SNX29: variants seen among roughly 807,000 people sequenced by gnomAD.
SNX29 encodes sorting nexin 29.
SNX29 carries 78 observed loss-of-function variants against 102.1 expected under a neutral mutation model. That is an observed-to-expected ratio of 0.76 (90% CI 0.64 to 0.92). The LOEUF is 0.92. Ranked by LOEUF, SNX29 falls within the 40% of genes least tolerant of loss-of-function variation. The pLI is 0.00. For synonymous variants in SNX29, 580 were observed against 414.5 expected, an observed-to-expected ratio of 1.40 and a Z score of -4.85; for missense variants, 1,280 against 1,061.7, an observed-to-expected ratio of 1.21 and a Z score of -2.86.
At chr16:12,505,125 A>T (rs925675231) in intron 19 of SNX29, among the ~76,000 whole-genome samples, 1 of 152,204 alleles carries the variant, frequency 6.6e-6, no homozygotes, top group African/African-American at 2.4e-5. Context: ...TAGAGGAAAA[A>T]ACAAAAAGAG....
rs1364925516 is a variant in SNX29 at position 12,524,885 on chromosome 16, A to AT, written c.2318+51dup. The AT allele has an allele frequency of 5.0e-6, 8 of 1,592,594 alleles. No homozygotes were observed. The East Asian group carries it at 9.1e-5, about 18-fold the overall frequency. ...GACATGGGCCGCCAGCCCTGCCAGC[A>AT]TTTTTTTCTCGGTCGTTTTGGAAGG... On this transcript the variant is annotated intron_variant, in intron 20 of 20. Transcript: ENST00000566228.
rs2055309726 is a variant in SNX29 at position 11,976,814 on chromosome 16, G to C, written c.7+1G>C. 7.2e-7 allele frequency: 1 copy of C among 1,381,216 alleles called. No individual in the cohort carries two copies. The highest frequency in any genetic ancestry group is 3.0e-5 in the Admixed American group (1 of 33,492). 85.6% of individuals were successfully genotyped at this position (1,381,216 alleles called of 1,614,324 possible). On this transcript the variant is annotated splice_donor_variant, in intron 1 of 20. Transcript: ENST00000566228. LOFTEE classifies it high-confidence loss of function. ...GGCCCGGGGAGAGGCACCATGAGCG[G>C]TGAGTGGCGGCCCCGCCGCTGTCAC...
intron 19 of SNX29, among the ~76,000 whole-genome samples, chr16:12,504,166 T>C (rs896973193): frequency 1.3e-5 from 2 of 152,128 alleles, no homozygotes; most frequent in Non-Finnish European, 2.9e-5. Flanking sequence ...ATGTAGTCTT[T>C]TGTGAGTGGC....
chr16:12,170,864 G>A (rs571182908), intron 13 of SNX29, among the ~76,000 whole-genome samples: 58 of 151,908 alleles, frequency 3.8e-4, no homozygotes, highest in South Asian at 1.7e-3. Flanking sequence ...GTCTGTGCGC[G>A]CGCGCGTGCT....
chr16:12,553,531 C>A (rs1409073870), intron 20 of SNX29, among the ~76,000 whole-genome samples: 2 of 152,098 alleles, frequency 1.3e-5, no homozygotes, highest in South Asian at 2.1e-4. Flanking sequence ...GGAGGAGGGA[C>A]CCCACAGAGC....
At chr16:12,540,559 T>G (rs1354985045) in intron 20 of SNX29, among the ~76,000 whole-genome samples, 2 of 152,344 alleles carry the variant, frequency 1.3e-5, no homozygotes, top group East Asian at 3.9e-4. Context: ...CCCTATGCCA[T>G]GGCCCCTTCT....
At chr16:12,020,333 C>T (rs1418456628) in intron 3 of SNX29, among the ~76,000 whole-genome samples, 2 of 151,818 alleles carry the variant, frequency 1.3e-5, no homozygotes, top group African/African-American at 2.4e-5. Flanking sequence ...GGCCACTGTG[C>T]CTGTAATCTT....
chr16:12,113,615 C>A (rs1166987560), intron 11 of SNX29, among the ~76,000 whole-genome samples: 1 of 152,234 alleles, frequency 6.6e-6, no homozygotes, highest in Non-Finnish European at 1.5e-5. Context: ...TCCGCATCCT[C>A]ATTATTTATG....
intron 20 of SNX29, among the ~76,000 whole-genome samples, chr16:12,539,730 C>T (rs758717633): frequency 6.6e-6 from 1 of 152,338 alleles, no homozygotes; most frequent in South Asian, 2.1e-4. Context: ...TGGCTGTTCA[C>T]AAGGATGCAG....
chr16:12,180,900 T>C (rs2076369212), intron 13 of SNX29, among the ~76,000 whole-genome samples: 1 of 152,180 alleles, frequency 6.6e-6, no homozygotes, highest in African/African-American at 2.4e-5. Context: ...CTGCAGCTTG[T>C]TTTCTGAGCT....
At chr16:12,472,017 A>G (rs1262402724) in intron 18 of SNX29, among the ~76,000 whole-genome samples, 1 of 152,282 alleles carries the variant, frequency 6.6e-6, no homozygotes, top group Non-Finnish European at 1.5e-5. Flanking sequence ...TTTATTCATG[A>G]AAGTCTCAAC....
intron 18 of SNX29, among the ~76,000 whole-genome samples, chr16:12,419,151 A>G (rs1013154629): frequency 2.0e-5 from 3 of 152,004 alleles, no homozygotes; most frequent in African/African-American, 7.2e-5. Context: ...TTTAGTTCCG[A>G]TGTTTCTCCC....
chr16:12,532,780 G>T (rs2076966751), intron 20 of SNX29, among the ~76,000 whole-genome samples: 1 of 152,168 alleles, frequency 6.6e-6, no homozygotes, highest in Non-Finnish European at 1.5e-5. Context: ...GAGTCCATGG[G>T]GCAGAGGCAG....
At chr16:12,326,929 G>T (rs1015497534) in intron 15 of SNX29, among the ~76,000 whole-genome samples, 3 of 152,174 alleles carry the variant, frequency 2.0e-5, no homozygotes, top group Non-Finnish European at 4.4e-5. Flanking sequence ...GGAAAGACTG[G>T]ATTAGGAATG....
intron 10 of SNX29, among the ~76,000 whole-genome samples, chr16:12,071,386 A>C (rs559501173): frequency 1.3e-5 from 2 of 152,160 alleles, no homozygotes; most frequent in Admixed American, 1.3e-4. Flanking sequence ...CTTTCTACAT[A>C]TGGCTAGCCA....
intron 13 of SNX29, among the ~76,000 whole-genome samples, chr16:12,192,102 TG>T (rs1318563913): frequency 6.6e-6 from 1 of 152,234 alleles, no homozygotes. Context: ...TAGTGCTGTC[TG>T]GGGTTGCTGG....
chr16:12,351,185 G>A (rs999324957), intron 15 of SNX29, among the ~76,000 whole-genome samples: 1 of 149,616 alleles, frequency 6.7e-6, no homozygotes, highest in African/African-American at 2.4e-5. Flanking sequence ...TGCACCTAAT[G>A]CCTATAAGAG....
At chr16:12,480,003 T>G (rs1005901738) in intron 19 of SNX29, among the ~76,000 whole-genome samples, 1 of 152,132 alleles carries the variant, frequency 6.6e-6, no homozygotes, top group South Asian at 2.1e-4. Flanking sequence ...AAATGACATA[T>G]TGTGTTATGA....
At position 12,320,360 on chromosome 16, in the gene SNX29, C is replaced by T. The variant is rs116177230; in HGVS notation, c.1783-35803C>T. On this transcript the variant is annotated intron_variant, in intron 15 of 20. Coordinates refer to ENST00000566228, the MANE Select transcript of SNX29 (RefSeq NM_032167.5). ...CACCGAGAGCCAGAACCATGCCTGT[C>T]TTCCTGCCGCAATGCCTGTGCCCAG... Among the ~76,000 whole-genome samples, 523 of 152,172 alleles carry T rather than the reference C, an allele frequency of 3.4e-3. 7 individuals carry two copies. Among genetic ancestry groups the T allele is most frequent in the African/African-American group, 0.012 (489 of 41,532 alleles).
Sources: gnomAD v4.1 joint callset for allele counts (sites outside exome capture counted in the v4.1 genomes callset) on GRCh38, gnomAD v4.1.1 for gene constraint, MANE v1.5 for transcripts, NCBI Gene and HGNC (gene_info 2026-07-23, HGNC 2026-07-21) for gene names.